Variants in HMGCLL1 observed in about 807,000 individuals in gnomAD.
HMGCLL1 encodes the protein 3-hydroxymethyl-3-methylglutaryl-CoA lyase, cytoplasmic.
A neutral mutation model predicts 39.1 loss-of-function variants in HMGCLL1; 36 were observed. The ratio of observed to expected loss-of-function variants is 0.92; its 90% CI spans 0.71 to 1.22. The LOEUF is 1.22. Ranked by LOEUF, HMGCLL1 falls within the 50% of genes most tolerant of loss-of-function variation. The pLI, the probability that HMGCLL1 is intolerant of heterozygous loss-of-function variation, is 0.00. For synonymous variants in HMGCLL1, 149 were observed against 144.0 expected (o/e 1.03, Z -0.25); for missense variants, 451 against 416.5 (o/e 1.08, Z -0.72).
chr6:55,648,303 G>C, the HMGCLL1 span, among the ~76,000 whole-genome samples: 1 of 151,272 alleles, frequency 6.6e-6, no homozygotes, highest in Non-Finnish European at 1.5e-5. Context: ...ACAATTAAAA[G>C]AACTAGAAAA....
the HMGCLL1 span, among the ~76,000 whole-genome samples, chr6:55,595,461 G>C: frequency 6.6e-6 from 1 of 152,122 alleles, no homozygotes; most frequent in Non-Finnish European, 1.5e-5. Context: ...TAGAAAAGCA[G>C]TTCAGCTAAT....
the HMGCLL1 span, among the ~76,000 whole-genome samples, chr6:55,661,313 T>C: frequency 6.6e-6 from 1 of 152,020 alleles, no homozygotes; most frequent in African/African-American, 2.4e-5. Flanking sequence ...AGAAGTCTGT[T>C]GCCTAGGTTG....
chr6:55,548,334 T>G (rs2127462901), intron 1 of HMGCLL1, among the ~76,000 whole-genome samples: 1 of 152,118 alleles, frequency 6.6e-6, no homozygotes, highest in South Asian at 2.1e-4. Context: ...CTCTTGGAAC[T>G]CAATGGAAAA....
chr6:55,477,366 T>G lies in HMGCLL1; in HGVS notation c.795+18053A>C, dbSNP rs193110883. On this transcript the variant is annotated intron_variant, in intron 7 of 8. Coordinates refer to ENST00000274901, the MANE Select transcript of HMGCLL1 (RefSeq NM_001042406.2). ...TTATATTTAGATAATATATATTATA[T>G]TAATATAATATATATTATCTAAATA... Among the ~76,000 whole-genome samples the G allele has an allele frequency of 4.4e-3, 146 of 33,292 alleles. 9 individuals are homozygous for G. Among genetic ancestry groups the G allele is most frequent in the African/African-American group, 0.029 (131 of 4,464 alleles). 21.8% of individuals were successfully genotyped at this position (33,292 alleles called of 152,430 possible).
intron 5 of HMGCLL1, chr6:55,512,214 G>A (rs1767500341): frequency 6.6e-6 from 1 of 151,948 alleles, no homozygotes; most frequent in Non-Finnish European, 1.5e-5. Context: ...CTTCCTATTT[G>A]AAGAGCAAGC....
intron 1 of HMGCLL1, among the ~76,000 whole-genome samples, chr6:55,559,088 G>A (rs766489337): frequency 6.6e-6 from 1 of 152,014 alleles, no homozygotes; most frequent in East Asian, 1.9e-4. Flanking sequence ...TCACCCTAAG[G>A]GAACGCCAGT....
At chr6:55,579,485 G>A (rs948861055), upstream of HMGCLL1, among the ~76,000 whole-genome samples, 2 of 152,190 alleles carry the variant, frequency 1.3e-5, no homozygotes, top group Admixed American at 1.3e-4. Context: ...ATGTTGATGA[G>A]TTCGTTCATT....
At chr6:55,447,130 C>T (rs905378819) in intron 7 of HMGCLL1, among the ~76,000 whole-genome samples, 5 of 151,900 alleles carry the variant, frequency 3.3e-5, no homozygotes, top group African/African-American at 1.2e-4. Flanking sequence ...AAGTATTACT[C>T]GTAGTTCAGT....
rs1217060103 is a variant in HMGCLL1, at chr6:55,565,050, TTAA to T, written c.108+13895_108+13897del. The stretch of plus-strand genomic sequence containing the variant: ...AGTGATAGCTTAATCTAGAACTTAA[TTAA>T]TATATTAAAAGAAAAAAGTTATCTT... On this transcript the variant is annotated intron_variant, in intron 1 of 8. Transcript: ENST00000274901. Among the ~76,000 whole-genome samples, 13 of 152,180 alleles carry T rather than the reference TTAA, an allele frequency of 8.5e-5. No homozygotes were observed. The East Asian group carries it at 1.5e-3, about 18-fold the overall frequency.
At chr6:55,507,433 C>G (rs899209276) in intron 5 of HMGCLL1, among the ~76,000 whole-genome samples, 1 of 151,666 alleles carries the variant, frequency 6.6e-6, no homozygotes, top group Non-Finnish European at 1.5e-5. Context: ...TCAAACTAAA[C>G]CCAACTCAAT....
chr6:55,613,179 T>C, the HMGCLL1 span, among the ~76,000 whole-genome samples: 5 of 151,952 alleles, frequency 3.3e-5, no homozygotes, highest in African/African-American at 1.2e-4. Flanking sequence ...ATGCAGCCAA[T>C]AGACATATGA....
chr6:55,549,830 T>C lies in HMGCLL1; in HGVS notation c.109-7690A>G, dbSNP rs542317377. ...TCAAATTGGGAAATCACATCAGTGA[T>C]GTGCTATGAGTTTTCAGCTTTATAA... On this transcript the variant is annotated intron_variant, in intron 1 of 8. Coordinates refer to ENST00000274901, the MANE Select transcript of HMGCLL1 (RefSeq NM_001042406.2). Among the ~76,000 whole-genome samples, 8 of 152,132 alleles carry C rather than the reference T, an allele frequency of 5.3e-5. No individual in the cohort carries two copies. In the South Asian group the frequency reaches 1.4e-3, roughly 28 times the overall value.
At chr6:55,468,932 G>T (rs762776268) in intron 7 of HMGCLL1, among the ~76,000 whole-genome samples, 14 of 141,698 alleles carry the variant, frequency 9.9e-5, no homozygotes, top group Non-Finnish European at 1.7e-4. Flanking sequence ...TATTTGACTA[G>T]AGACTACAAA....
intron 7 of HMGCLL1, among the ~76,000 whole-genome samples, chr6:55,477,311 T>TATAATATATAATATATTTAG (rs1765445878): frequency 5.6e-5 from 1 of 17,930 alleles, no homozygotes; most frequent in Admixed American, 1.0e-3. Flanking sequence ...ATATTATATA[T>TATAATATATAATATATTTAG]ATAATATATA....
the HMGCLL1 span, among the ~76,000 whole-genome samples, chr6:55,594,812 C>T: frequency 0.11 from 16,025 of 151,998 alleles, 1,117 homozygotes; most frequent in East Asian, 0.3. Context: ...TGTCAGGACA[C>T]GAATCCTCTT....
the HMGCLL1 span, among the ~76,000 whole-genome samples, chr6:55,666,027 C>G: frequency 1.3e-5 from 2 of 151,666 alleles, no homozygotes; most frequent in Admixed American, 1.3e-4. Flanking sequence ...AGAACATAAG[C>G]TTCTGAGAAT....
chr6:55,585,008 A>T, the HMGCLL1 span, among the ~76,000 whole-genome samples: 1 of 151,978 alleles, frequency 6.6e-6, no homozygotes, highest in Non-Finnish European at 1.5e-5. Flanking sequence ...ATTTTAGATA[A>T]CTTCTCACAT....
the HMGCLL1 span, among the ~76,000 whole-genome samples, chr6:55,677,029 G>A: frequency 3.3e-5 from 5 of 152,314 alleles, no homozygotes; most frequent in South Asian, 8.3e-4. Context: ...CTGAGTGTTA[G>A]CAAATGTCAC....
chr6:55,637,945 A>G, the HMGCLL1 span, among the ~76,000 whole-genome samples: 1 of 152,250 alleles, frequency 6.6e-6, no homozygotes, highest in East Asian at 1.9e-4. Flanking sequence ...CCAAAACATA[A>G]TTTGTATTAT....
Sources: allele counts gnomAD v4.1 joint callset (sites outside exome capture counted in the v4.1 genomes callset), GRCh38; gene constraint gnomAD v4.1.1; transcripts MANE v1.5; gene names NCBI Gene and HGNC (gene_info 2026-07-23, HGNC 2026-07-21).